MBNL1: variants seen among roughly 807,000 people sequenced by gnomAD.
MBNL1 encodes the protein muscleblind like splicing regulator 1, also known as muscleblind-like protein 1.
MBNL1 carries 8 observed loss-of-function variants against 42.2 expected under a neutral mutation model. The observed-to-expected ratio is 0.19, with a 90% CI of 0.11 to 0.34. The LOEUF is 0.34. MBNL1 is among the 10% of genes least tolerant of loss of function. MBNL1 has a pLI of 1.00. For synonymous variants in MBNL1, 169 were observed against 173.9 expected, an observed-to-expected ratio of 0.97 and a Z score of 0.22; for missense variants, 309 against 495.3, an observed-to-expected ratio of 0.62 and a Z score of 3.57.
chr3:152,320,683 C>CT (rs528500683), intron 2 of MBNL1, among the ~76,000 whole-genome samples: 17,047 of 128,956 alleles, frequency 0.13, 1,080 homozygotes, highest in Middle Eastern at 0.22. Context: ...TTTTTTCTTT[C>CT]TTTTTTTTTT....
At chr3:152,327,900 T>C (rs2081442984) in intron 2 of MBNL1, among the ~76,000 whole-genome samples, 1 of 152,026 alleles carries the variant, frequency 6.6e-6, no homozygotes, top group Non-Finnish European at 1.5e-5. Context: ...AAGTTGTTCT[T>C]GCTGACCCAA....
At chr3:152,331,898 G>T (rs1198170691) in intron 2 of MBNL1, among the ~76,000 whole-genome samples, 1 of 151,948 alleles carries the variant, frequency 6.6e-6, no homozygotes, top group Non-Finnish European at 1.5e-5. Context: ...CATTATGTTG[G>T]CCAGGCTGGT....
At chr3:152,336,881 A>C (rs2152751694) in intron 2 of MBNL1, among the ~76,000 whole-genome samples, 1 of 152,346 alleles carries the variant, frequency 6.6e-6, no homozygotes, top group East Asian at 1.9e-4. Flanking sequence ...GAATAGAAGA[A>C]ATTAGATATC....
intron 9 of MBNL1, among the ~76,000 whole-genome samples, chr3:152,461,795 A>C (rs1391759702): frequency 6.6e-6 from 1 of 152,240 alleles, no homozygotes; most frequent in Non-Finnish European, 1.5e-5. Context: ...TGTCTATTAC[A>C]GCTTAATTCA....
At chr3:152,460,063 A>G (rs892667) in intron 9 of MBNL1, among the ~76,000 whole-genome samples, 51,271 of 151,642 alleles carry the variant, frequency 0.34, 8,909 homozygotes, top group Middle Eastern at 0.41. Flanking sequence ...AGACTAGCCT[A>G]GGCAACATGG....
chr3:152,331,213 C>A (rs563320202), intron 2 of MBNL1, among the ~76,000 whole-genome samples: 1 of 152,178 alleles, frequency 6.6e-6, no homozygotes, highest in South Asian at 2.1e-4. Context: ...CACATACACA[C>A]ACACACCCTG....
At chr3:152,347,041 A>T (rs978545726) in intron 2 of MBNL1, among the ~76,000 whole-genome samples, 6 of 152,122 alleles carry the variant, frequency 3.9e-5, no homozygotes, top group Admixed American at 3.9e-4. Context: ...AATAAGAATA[A>T]ATTATCTATA....
At chr3:152,269,595 A>T (rs1209580844) in intron 1 of MBNL1, 2 of 442,416 alleles carry the variant, frequency 4.5e-6, no homozygotes, top group Admixed American at 4.8e-5. Flanking sequence ...GCTACCCATA[A>T]ATTACGCATG....
chr3:152,262,609 A>C (rs1036008468), intron 2 of MBNL1: 3 of 152,146 alleles, frequency 2.0e-5, no homozygotes, highest in African/African-American at 7.2e-5. Context: ...AAATAAGACA[A>C]TGGCCATATT....
chr3:152,363,224 T>G (rs981300791), intron 2 of MBNL1, among the ~76,000 whole-genome samples: 2 of 152,208 alleles, frequency 1.3e-5, no homozygotes, highest in Non-Finnish European at 2.9e-5. Context: ...TTTTTCACTT[T>G]TCAAATGGTA....
intron 2 of MBNL1, among the ~76,000 whole-genome samples, chr3:152,248,145 A>G (rs773195159): frequency 6.6e-6 from 1 of 152,042 alleles, no homozygotes; most frequent in Non-Finnish European, 1.5e-5. Context: ...CCTTAATTCA[A>G]TCTATTTTCT....
intron 4 of MBNL1, among the ~76,000 whole-genome samples, chr3:152,442,579 G>A (rs2099158656): frequency 6.6e-6 from 1 of 152,064 alleles, no homozygotes; most frequent in African/African-American, 2.4e-5. Flanking sequence ...GTGAAATGTT[G>A]TCAGTTATAA....
chr3:152,462,164 A>C (rs1560706558), intron 9 of MBNL1, among the ~76,000 whole-genome samples: 1 of 152,180 alleles, frequency 6.6e-6, no homozygotes. Flanking sequence ...TTTGGAGCAC[A>C]TTCTACAGTT....
At chr3:152,456,597 G>A (rs1734288963) in intron 8 of MBNL1, among the ~76,000 whole-genome samples, 1 of 152,112 alleles carries the variant, frequency 6.6e-6, no homozygotes, top group South Asian at 2.1e-4. Context: ...CAAAGTCGTC[G>A]CAGCTCCATT....
intron 2 of MBNL1, among the ~76,000 whole-genome samples, chr3:152,357,002 C>A (rs536111719): frequency 1.3e-5 from 2 of 151,910 alleles, no homozygotes; most frequent in African/African-American, 4.8e-5. Flanking sequence ...AATGAGTAGA[C>A]CTGATTTTAA....
At chr3:152,456,237 T>C in intron 7 of MBNL1, 30 bp from the exon 8 acceptor site, 2 of 1,472,478 alleles carry the variant, frequency 1.4e-6, no homozygotes, top group Non-Finnish European at 1.9e-6. Flanking sequence ...CTCTTCTGTA[T>C]GTTCGCTTAT....
chr3:152,318,771 G>T (rs1403171763), intron 2 of MBNL1, among the ~76,000 whole-genome samples: 1 of 152,054 alleles, frequency 6.6e-6, no homozygotes, highest in African/African-American at 2.4e-5. Context: ...GCTGTGACTA[G>T]CTATTATTAT....
intron 1 of MBNL1, among the ~76,000 whole-genome samples, chr3:152,277,727 TAAACAG>T (rs2046114904): frequency 6.6e-6 from 1 of 152,114 alleles, no homozygotes; most frequent in Non-Finnish European, 1.5e-5. Flanking sequence ...TAAAATAGTT[TAAACAG>T]AAAATGTCAG....
intron 2 of MBNL1, among the ~76,000 whole-genome samples, chr3:152,357,705 C>T (rs1022135895): frequency 6.6e-6 from 1 of 152,114 alleles, no homozygotes; most frequent in African/African-American, 2.4e-5. Context: ...TCCCACCTTA[C>T]TCTTGCTTCT....
Sources: allele counts gnomAD v4.1 joint callset (sites outside exome capture counted in the v4.1 genomes callset), GRCh38; gene constraint gnomAD v4.1.1; transcripts MANE v1.5; gene names NCBI Gene and HGNC (gene_info 2026-07-23, HGNC 2026-07-21).